The following SLC25A46 variants were observed in gnomAD, a reference collection of about 807,000 sequenced individuals.
SLC25A46 encodes the protein solute carrier family 25 member 46.
SLC25A46 carries 39 observed loss-of-function variants against 44.6 expected under a neutral mutation model. That is an observed-to-expected ratio of 0.87 (90% CI 0.68 to 1.14). The LOEUF (loss-of-function observed/expected upper bound fraction) is 1.14, where lower values mean the gene tolerates loss of function less well. Ranked by LOEUF, SLC25A46 falls within the 50% of genes most tolerant of loss-of-function variation. The pLI is 0.00. For synonymous variants in SLC25A46, 202 were observed against 185.8 expected (o/e 1.09, Z -0.71); for missense variants, 547 against 522.7 (o/e 1.05, Z -0.45).
At chr5:110,742,233 GA>G (rs1014562227) in intron 2 of SLC25A46, 144 bp downstream of exon 2, 22 of 531,184 alleles carry the variant, frequency 4.1e-5, no homozygotes, top group Admixed American at 7.8e-5. Flanking sequence ...ATATTTTGCA[GA>G]AAAAAAATGA....
chr5:110,763,303 T>C lies in SLC25A46; in HGVS notation c.*1521T>C, dbSNP rs1420897469. On this transcript the variant is annotated 3_prime_UTR_variant, in exon 8 of 8. Transcript: ENST00000355943. Reference sequence around the variant, plus strand: ...TGCTAAATGTCACAGAAATGGTTACTTTTTGCAAATAGTAGTGTTGGAACA... The same window carrying C: ...TGCTAAATGTCACAGAAATGGTTACCTTTTGCAAATAGTAGTGTTGGAACA... The C allele has an allele frequency of 6.6e-6, 1 of 151,892 alleles. No individual in the cohort carries two copies. The highest frequency in any genetic ancestry group is 1.5e-5 in the Non-Finnish European group (1 of 67,866). The allele number at this position is 151,892 out of a possible 1,614,324, so 9.4% of individuals were successfully genotyped here.
At chr5:110,748,303 G>A (rs751871348) in intron 5 of SLC25A46, 40 bp downstream of exon 5, 5 of 1,540,762 alleles carry the variant, frequency 3.2e-6, no homozygotes, top group Admixed American at 1.7e-5. Flanking sequence ...GTTTCATGTG[G>A]TGATGTGTTT....
upstream of SLC25A46, chr5:110,738,286 CAATT>C: frequency 1.6e-6 from 2 of 1,264,956 alleles, no homozygotes; most frequent in Non-Finnish European, 1.0e-6. Flanking sequence ...CTCAGTTATT[CAATT>C]AGAGGTCCCA....
intron 5 of SLC25A46, among the ~76,000 whole-genome samples, chr5:110,750,640 A>G (rs192217091): frequency 9.8e-4 from 149 of 152,286 alleles, no homozygotes; most frequent in Non-Finnish European, 1.3e-3. Context: ...TTGTTATTCT[A>G]TATTGTTTAG....
At chr5:110,751,479 A>G (rs1225734647) in intron 5 of SLC25A46, among the ~76,000 whole-genome samples, 1 of 152,140 alleles carries the variant, frequency 6.6e-6, no homozygotes, top group African/African-American at 2.4e-5. Context: ...GAAGCCTCAC[A>G]TGGCTGGAGC....
At chr5:110,756,294 C>A (rs117241214) in intron 6 of SLC25A46, among the ~76,000 whole-genome samples, 2,728 of 150,290 alleles carry the variant, frequency 0.018, 26 homozygotes, top group Admixed American at 0.025. Context: ...ACTGGCCTAA[C>A]TCTGCTGGAT....
intron 3 of SLC25A46, among the ~76,000 whole-genome samples, chr5:110,744,615 A>G (rs1799771696): frequency 6.6e-6 from 1 of 152,252 alleles, no homozygotes; most frequent in South Asian, 2.1e-4. Context: ...TTGACGATGC[A>G]TATAGATTTT....
At chr5:110,743,901 A>G in intron 3 of SLC25A46, 114 bp downstream of exon 3, 1 of 787,662 alleles carries the variant, frequency 1.3e-6, no homozygotes, top group Non-Finnish European at 1.9e-6. Flanking sequence ...GAAATGTTCC[A>G]AACTTTTTGG....
intron 5 of SLC25A46, among the ~76,000 whole-genome samples, chr5:110,749,491 CGT>C (rs780713826): frequency 8.0e-6 from 1 of 125,696 alleles, no homozygotes; most frequent in Non-Finnish European, 1.6e-5. Flanking sequence ...ACATGTGTGC[CGT>C]GTGTGTGTGG....
At chr5:110,742,334 G>A (rs931423193) in intron 2 of SLC25A46, among the ~76,000 whole-genome samples, 1 of 152,058 alleles carries the variant, frequency 6.6e-6, no homozygotes, top group East Asian at 1.9e-4. Context: ...TTTGTAATGA[G>A]TATTGTAACT....
chr5:110,754,062 T>C (rs1800040349), intron 5 of SLC25A46: 1 of 152,158 alleles, frequency 6.6e-6, no homozygotes. Context: ...CAAATAAATA[T>C]CCTAATAGTA....
intron 1 of SLC25A46, 119 bp downstream of exon 1, chr5:110,739,521 C>G: frequency 7.3e-7 from 1 of 1,363,928 alleles, no homozygotes; most frequent in Non-Finnish European, 9.7e-7. Context: ...TCCTATCGCG[C>G]GCCACACCCT....
At chr5:110,750,177 T>G (rs74687760) in intron 5 of SLC25A46, among the ~76,000 whole-genome samples, 1,818 of 140,978 alleles carry the variant, frequency 0.013, 11 homozygotes, top group Middle Eastern at 0.021. Flanking sequence ...GTGCCTTAAA[T>G]AAACTTTGCT....
intron 3 of SLC25A46, chr5:110,745,926 A>C (rs1056994349): frequency 2.5e-4 from 42 of 169,164 alleles, no homozygotes; most frequent in Non-Finnish European, 5.1e-4. Flanking sequence ...TCAGTTGCCA[A>C]GTACAGTTTG....
intron 5 of SLC25A46, 103 bp from the exon 6 acceptor site, chr5:110,755,362 T>C: frequency 1.5e-6 from 1 of 689,556 alleles, no homozygotes; most frequent in Non-Finnish European, 2.5e-6. Context: ...TCCTACAGAT[T>C]GAAAAAAATT....
chr5:110,751,599 G>A (rs933261465), intron 5 of SLC25A46, among the ~76,000 whole-genome samples: 1 of 152,152 alleles, frequency 6.6e-6, no homozygotes, highest in African/African-American at 2.4e-5. Context: ...CATCAGATTT[G>A]TTTTCAAAGG....
rs1800268860 is a variant in SLC25A46 at position 110,762,083 on chromosome 5, A to G, written c.*301A>G. ...AGCAAAATTTTATTATAAAATCTAAAACAAAACTTTATAGAGTTGAATCTA... is the reference window on the plus strand; with the variant it reads ...AGCAAAATTTTATTATAAAATCTAAGACAAAACTTTATAGAGTTGAATCTA... On this transcript the variant is annotated 3_prime_UTR_variant, in exon 8 of 8. Transcript: ENST00000355943. The G allele has an allele frequency of 3.9e-6, 1 of 255,056 alleles. No homozygotes were observed. Among genetic ancestry groups the G allele is most frequent in the Non-Finnish European group, 7.5e-6 (1 of 132,804 alleles). 15.8% of individuals were successfully genotyped at this position (255,056 alleles called of 1,614,324 possible).
At chr5:110,756,983 A>G (rs1237809075) in intron 7 of SLC25A46, 2 of 353,994 alleles carry the variant, frequency 5.6e-6, no homozygotes, top group East Asian at 8.6e-5. Flanking sequence ...TTCCATAGGC[A>G]ACTATACTCT....
intron 6 of SLC25A46, chr5:110,756,155 A>G (rs1381807492): frequency 6.6e-6 from 1 of 151,960 alleles, no homozygotes; most frequent in African/African-American, 2.4e-5. Context: ...TTGAATAACT[A>G]TATTTTGCAG....
Sources: allele counts gnomAD v4.1 joint callset (sites outside exome capture counted in the v4.1 genomes callset), GRCh38; gene constraint gnomAD v4.1.1; transcripts MANE v1.5; gene names NCBI Gene and HGNC (gene_info 2026-07-23, HGNC 2026-07-21).